AKR1C4: variants seen among roughly 807,000 people sequenced by gnomAD.
The protein encoded by AKR1C4 is 3-alpha-HSD1.
A neutral mutation model predicts 41.0 loss-of-function variants in AKR1C4; 44 were observed. The observed-to-expected ratio is 1.07, with a 90% confidence interval of 0.84 to 1.38. AKR1C4 has a LOEUF of 1.38. Among genes scored for constraint, AKR1C4 ranks in the 40% most tolerant of loss-of-function variants. The pLI is 0.00. For missense variants in AKR1C4, 438 were observed against 387.9 expected (o/e 1.13, Z -1.09); for synonymous variants, 165 against 137.7 (o/e 1.20, Z -1.39).
At chr10:5,212,833 G>A (rs1195153091) in intron 6 of AKR1C4, 108 bp downstream of exon 6, 2 of 1,408,510 alleles carry the variant, frequency 1.4e-6, no homozygotes, top group African/African-American at 2.9e-5. Context: ...AGGGTAAGGG[G>A]ATAATTTGCA....
chr10:5,214,534 G>A (rs17134588), intron 7 of AKR1C4, among the ~76,000 whole-genome samples: 16,942 of 152,086 alleles, frequency 0.11, 1,172 homozygotes, highest in Admixed American at 0.17. Flanking sequence ...TCCAGTTTAC[G>A]ACCATAGACC....
intron 1 of AKR1C4, among the ~76,000 whole-genome samples, 158 bp downstream of exon 1, chr10:5,197,109 T>C (rs1483135312): frequency 4.6e-5 from 7 of 152,214 alleles, no homozygotes; most frequent in Admixed American, 6.5e-5. Flanking sequence ...AGAGAAAAGG[T>C]AGTCAATGTT....
intron 5 of AKR1C4, among the ~76,000 whole-genome samples, chr10:5,208,379 T>TA (rs781877966): frequency 7.9e-5 from 12 of 151,644 alleles, no homozygotes; most frequent in African/African-American, 1.2e-4. Flanking sequence ...AATGTGGTTT[T>TA]AATATTAGTT....
intron 3 of AKR1C4, 45 bp downstream of exon 3, chr10:5,204,538 C>G: frequency 7.2e-7 from 1 of 1,391,852 alleles, no homozygotes; most frequent in Non-Finnish European, 1.0e-6. Context: ...CTCAGCATGA[C>G]CATCCTTTAT....
chr10:5,210,362 G>C (rs1278335978), intron 5 of AKR1C4, among the ~76,000 whole-genome samples: 1 of 152,160 alleles, frequency 6.6e-6, no homozygotes, highest in Admixed American at 6.5e-5. Context: ...AGCTTTTCCA[G>C]GTGCACAGTG....
chr10:5,204,935 A>G (rs1554797328), intron 3 of AKR1C4, among the ~76,000 whole-genome samples: 1 of 152,238 alleles, frequency 6.6e-6, no homozygotes, highest in African/African-American at 2.4e-5. Flanking sequence ...AAAGGAAACC[A>G]TAATAGGACC....
chr10:5,198,447 T>A (rs1185072965), intron 1 of AKR1C4, among the ~76,000 whole-genome samples: 1 of 152,210 alleles, frequency 6.6e-6, no homozygotes, highest in Non-Finnish European at 1.5e-5. Context: ...TCTGTATACC[T>A]GCTTTCTTTA....
chr10:5,205,433 T>C (rs565741831), intron 3 of AKR1C4, among the ~76,000 whole-genome samples: 3 of 152,208 alleles, frequency 2.0e-5, no homozygotes, highest in African/African-American at 7.2e-5. Context: ...TATTGCTGGA[T>C]ATCAAGGGCT....
chr10:5,200,356 G>A lies in AKR1C4; in HGVS notation c.252+8G>A. 1 of 1,610,402 alleles carries A rather than the reference G, an allele frequency of 6.2e-7. No homozygotes were observed. The highest frequency in any genetic ancestry group is 2.2e-5 in the East Asian group (1 of 44,862). On this transcript the variant is annotated splice_region_variant and intron_variant, in intron 2 of 8. Transcript: ENST00000263126. The stretch of plus-strand genomic sequence containing the variant: ...ATATTCTACACTTCAAAGGTACTGT[G>A]CCTATGATGAGCATGTATGCACATG...
rs1216516696 is a variant in AKR1C4 at position 5,215,559 on chromosome 10, A to G, written c.847-1152A>G. 1.2e-4 allele frequency among the ~76,000 whole-genome samples: 18 copies of G among 152,186 alleles called. 1 individual carries two copies. Among genetic ancestry groups the G allele is most frequent in the Admixed American group, 1.2e-3 (18 of 15,278 alleles). ...CCATACCTGATCATAGGCTGTTAGA[A>G]GCAGTCACACTATCTCTTGAATGTT... On this transcript the variant is annotated intron_variant, in intron 7 of 8. Transcript: ENST00000263126.
intron 1 of AKR1C4, among the ~76,000 whole-genome samples, chr10:5,199,210 C>T (rs1464773753): frequency 6.6e-6 from 1 of 151,934 alleles, no homozygotes; most frequent in Non-Finnish European, 1.5e-5. Flanking sequence ...GGTTTATCAC[C>T]CCACATATAG....
chr10:5,211,010 G>A (rs1300974566), intron 5 of AKR1C4, among the ~76,000 whole-genome samples: 1 of 152,236 alleles, frequency 6.6e-6, no homozygotes, highest in Admixed American at 6.5e-5. Flanking sequence ...GGCCTGAGCT[G>A]TACCTTGGCC....
At position 5,216,810 on chromosome 10, in the gene AKR1C4, A is replaced by T; in HGVS notation, c.929+17A>T. 6.3e-7 allele frequency: 1 copy of T among 1,576,422 alleles called. No homozygotes were observed. Among genetic ancestry groups the T allele is most frequent in the Non-Finnish European group, 8.7e-7 (1 of 1,149,374 alleles). On this transcript the variant is annotated intron_variant, in intron 8 of 8. Coordinates refer to ENST00000263126, the MANE Select transcript of AKR1C4 (RefSeq NM_001818.5). ...CATGGATTTGTAAGTAACTTTGGAA[A>T]ATGGGTTTCCCAGTTTATTTTTAGA...
intron 6 of AKR1C4, 71 bp from the exon 7 acceptor site, chr10:5,212,923 G>A (rs1247388501): frequency 3.2e-6 from 5 of 1,561,440 alleles, no homozygotes; most frequent in Non-Finnish European, 4.3e-6. Context: ...GAACACCTTA[G>A]TCTGTTTAGG....
In AKR1C4 at chr10:5,212,649, C is replaced by G. The variant is rs1439752816; in HGVS notation, c.604C>G (p.Leu202Val). 7.4e-6 allele frequency: 12 copies of G among 1,613,568 alleles called. No individual in the cohort carries two copies. The highest frequency in any genetic ancestry group is 8.5e-6 in the Non-Finnish European group (10 of 1,179,962). Residue 202 changes from leucine to valine, a missense_variant, in exon 6 of 9, where the codon CTG becomes GTG. Leu to Val is a conservative substitution (Grantham distance 32). Coordinates refer to ENST00000263126, the MANE Select transcript of AKR1C4 (RefSeq NM_001818.5). Reference protein sequence around the residue: ...ECHPYLNQSKLLDFCKSKDIV... With the variant: ...ECHPYLNQSKVLDFCKSKDIV... ...TCATCCTTACCTCAACCAGAGCAAA[C>G]TGCTGGATTTCTGCAAGTCAAAAGA... is the stretch of plus-strand genomic sequence containing the variant.
At chr10:5,214,959 T>C (rs1243897529) in intron 7 of AKR1C4, among the ~76,000 whole-genome samples, 1 of 152,210 alleles carries the variant, frequency 6.6e-6, no homozygotes, top group Non-Finnish European at 1.5e-5. Context: ...TTTGGACAAT[T>C]ACTGTCTTGA....
At chr10:5,200,160 T>C (rs1554796737) in intron 1 of AKR1C4, 21 bp from the exon 2 acceptor site, 4 of 1,603,326 alleles carry the variant, frequency 2.5e-6, no homozygotes, top group Middle Eastern at 1.7e-4. Flanking sequence ...CACCAAATAC[T>C]ACCTTTCGTT....
chr10:5,200,532 T>C (rs921645113), intron 2 of AKR1C4, among the ~76,000 whole-genome samples, 184 bp downstream of exon 2: 47 of 152,236 alleles, frequency 3.1e-4, no homozygotes, highest in African/African-American at 4.8e-5. Flanking sequence ...CTCATCATTG[T>C]TGTGTTCAAA....
chr10:5,208,996 G>A (rs1832530806), intron 5 of AKR1C4, among the ~76,000 whole-genome samples: 1 of 146,406 alleles, frequency 6.8e-6, no homozygotes, highest in Non-Finnish European at 1.5e-5. Flanking sequence ...TTAAGTTTGT[G>A]TAGATTAGAA....
Sources: allele counts gnomAD v4.1 joint callset (sites outside exome capture counted in the v4.1 genomes callset), GRCh38; gene constraint gnomAD v4.1.1; transcripts MANE v1.5; gene names NCBI Gene and HGNC (gene_info 2026-07-23, HGNC 2026-07-21).